Variants in CTSV observed in about 807,000 individuals in gnomAD.
The protein encoded by CTSV is cathepsin L2.
CTSV carries 33 observed loss-of-function variants against 35.6 expected under a neutral mutation model. The ratio of observed to expected loss-of-function variants is 0.93; its 90% CI spans 0.70 to 1.24. The LOEUF (loss-of-function observed/expected upper bound fraction) is 1.24. CTSV is among the 50% of genes most tolerant of loss of function. The pLI, the probability that CTSV is intolerant of heterozygous loss-of-function variation, is 0.00. For missense variants in CTSV, 408 were observed against 413.1 expected (o/e 0.99, Z 0.11); for synonymous variants, 154 against 147.1 (o/e 1.05, Z -0.34).
intron 2 of CTSV, 93 bp downstream of exon 2, chr9:97,037,825 C>G: frequency 6.6e-7 from 1 of 1,521,782 alleles, no homozygotes; most frequent in Non-Finnish European, 9.0e-7. Flanking sequence ...CTGGTAAGGT[C>G]TGGTGTCTAG....
At position 97,037,487 on chromosome 9, in the gene CTSV, A is replaced by C. The variant is rs1320732604; in HGVS notation, c.249+6T>G. On this transcript the variant is annotated splice_donor_region_variant and intron_variant, in intron 3 of 7. Transcript: ENST00000259470. ...CACAGAGTTCAGCAATCCTTGCCAC[A>C]CTCACCATGTCACCAAAAGCATTCA... 1.9e-6 allele frequency: 3 copies of C among 1,614,002 alleles called. No homozygotes were observed. The highest frequency in any genetic ancestry group is 2.5e-6 in the Non-Finnish European group (3 of 1,180,014).
chr9:97,035,650 T>G lies in CTSV; in HGVS notation c.665A>C (p.Asp222Ala). The change falls in exon 6 of 8, where the codon GAC becomes GCC. Residue 222 changes from aspartate to alanine, a missense_variant. Asp to Ala is a moderately radical substitution (Grantham distance 126, BLOSUM62 -2). Transcript: ENST00000259470. Reference sequence around the variant, plus strand: ...AGGTGCGACCACTGTGAAGCCAGTGTCATTAGCAACAGAATTCTCAGGTCT... The same window carrying G: ...AGGTGCGACCACTGTGAAGCCAGTGGCATTAGCAACAGAATTCTCAGGTCT... ...KYRPENSVAN[D>A]TGFTVVAPGK... is the part of the protein sequence containing the mutation. 2 of 1,594,580 alleles carry G rather than the reference T, an allele frequency of 1.3e-6. No individual in the cohort carries two copies. The highest frequency in any genetic ancestry group is 1.7e-6 in the Non-Finnish European group (2 of 1,169,644).
At position 97,031,686 on chromosome 9, in the gene CTSV, A is replaced by G. The variant is rs1381206058; in HGVS notation, c.*1263T>C. On this transcript the variant is annotated 3_prime_UTR_variant, in exon 8 of 8. Transcript: ENST00000259470. ...TTTATTTTTAATTCAGGGATTAGGT[A>G]GCCAGAGTCTGGCCTAGTGACTTCT... 6.6e-6 allele frequency: 1 copy of G among 152,200 alleles called. No individual in the cohort carries two copies. The highest frequency in any genetic ancestry group is 1.5e-5 in the Non-Finnish European group (1 of 68,042). The allele number at this position is 152,200 out of a possible 1,614,324, so 9.4% of individuals were successfully genotyped here.
At position 97,037,562 on chromosome 9, in the gene CTSV, T is replaced by C; in HGVS notation, c.180A>G (p.Glu60=). The change falls in exon 3 of 8, where the codon GAA becomes GAG. Residue 60 remains glutamate (E), a synonymous_variant. Coordinates refer to ENST00000259470, the MANE Select transcript of CTSV (RefSeq NM_001333.4). Reference sequence around the variant, plus strand: ...CTTGGCTGTATTCCCCATTGTGCAGTTCAATCATTTTCATATTCTTTTCCC... The same window carrying C: ...CTTGGCTGTATTCCCCATTGTGCAGCTCAATCATTTTCATATTCTTTTCCC... ...AVWEKNMKMI[E]LHNGEYSQGK... is the part of the protein sequence containing the mutation. The C allele has an allele frequency of 6.2e-7, 1 of 1,614,130 alleles. No individual in the cohort carries two copies. The highest frequency in any genetic ancestry group is 8.5e-7 in the Non-Finnish European group (1 of 1,180,024).
rs1587731311 is a variant in CTSV, at chr9:97,030,030, G to C, written c.*2919C>G. ...TGTCAGTGTACTCTATGATGTTCAC[G>C]TCACGATGAAATCACCCAAGACACA... is the stretch of plus-strand genomic sequence containing the variant. On this transcript the variant is annotated 3_prime_UTR_variant, in exon 8 of 8. Transcript: ENST00000259470. 1 of 152,172 alleles carries C rather than the reference G, an allele frequency of 6.6e-6. No homozygotes were observed. The highest frequency in any genetic ancestry group is 1.5e-5 in the Non-Finnish European group (1 of 68,026). 9.4% of individuals were successfully genotyped at this position (152,172 alleles called of 1,614,324 possible). A position where few individuals can be genotyped will look rare whatever the true frequency, so the allele number is the denominator to read the frequency against.
chr9:97,032,562 C>T lies in CTSV; in HGVS notation c.*387G>A, dbSNP rs111874198. 4,684 of 159,256 alleles carry T rather than the reference C, an allele frequency of 0.029. 245 individuals are homozygous for T. Among genetic ancestry groups the T allele is most frequent in the African/African-American group, 0.11 (4,454 of 41,792 alleles). 9.9% of individuals were successfully genotyped at this position (159,256 alleles called of 1,614,324 possible). ...CCAGCTTTCTGCTAGCATCTTTCTC[C>T]TAACATACCATTGGCACATGAAGTT... On this transcript the variant is annotated 3_prime_UTR_variant, in exon 8 of 8. Coordinates refer to ENST00000259470, the MANE Select transcript of CTSV (RefSeq NM_001333.4).
chr9:97,036,081 T>C (rs1416121251), intron 5 of CTSV, among the ~76,000 whole-genome samples: 1 of 151,946 alleles, frequency 6.6e-6, no homozygotes, highest in Non-Finnish European at 1.5e-5. Context: ...TAATTTTTTT[T>C]TTTTTTTGAG....
Position 97,037,261 on chromosome 9 carries a change from C to T in CTSV, c.387G>A (p.Val129=). ...TCTGACGCTGTCTCACCTGATTCTT[C>T]ACTGGCGTCACGTAGCCTTTCTTTC... ...DWRKKGYVTP[V]KNQKQCGSCW... is the part of the protein sequence containing the mutation. Residue 129 remains valine, a synonymous_variant, in exon 4 of 8, where the codon GTG becomes GTA. Transcript: ENST00000259470. 6.2e-7 allele frequency: 1 copy of T among 1,613,686 alleles called. No individual in the cohort carries two copies. Among genetic ancestry groups the T allele is most frequent in the Non-Finnish European group, 8.5e-7 (1 of 1,179,796 alleles).
At chr9:97,038,129 A>G (rs1424708247) in intron 1 of CTSV, 76 bp from the exon 2 acceptor site, 1 of 1,423,966 alleles carries the variant, frequency 7.0e-7, no homozygotes, top group Non-Finnish European at 9.6e-7. Context: ...TGGAATAGAA[A>G]TATTTCAATT....
chr9:97,035,398 C>G, intron 6 of CTSV, 130 bp downstream of exon 6: 1 of 645,040 alleles, frequency 1.6e-6, no homozygotes, highest in Non-Finnish European at 2.3e-6. Context: ...ATGTCAAATG[C>G]AAACATCACT....
chr9:97,035,774 G>T, intron 5 of CTSV, 81 bp from the exon 6 acceptor site: 2 of 937,326 alleles, frequency 2.1e-6, no homozygotes, highest in Non-Finnish European at 1.4e-6. Flanking sequence ...GAAACACTCA[G>T]CAATTTGCAA....
At position 97,031,159 on chromosome 9, in the gene CTSV, C is replaced by T. The variant is rs1828738860; in HGVS notation, c.*1790G>A. ...TTAGTGCCTAGATGTTTCCTTAGAG[C>T]CTGGGTTGTTGTTCCAAGAATCTGT... On this transcript the variant is annotated 3_prime_UTR_variant, in exon 8 of 8. Transcript: ENST00000259470. The T allele has an allele frequency of 6.6e-6, 1 of 152,098 alleles. No individual in the cohort carries two copies. The highest frequency in any genetic ancestry group is 1.5e-5 in the Non-Finnish European group (1 of 68,032). The allele number at this position is 152,098 out of a possible 1,614,324, so 9.4% of individuals were successfully genotyped here.
chr9:97,038,852 C>T (rs1250080649), intron 1 of CTSV, among the ~76,000 whole-genome samples: 1 of 152,182 alleles, frequency 6.6e-6, no homozygotes. Context: ...CTTCAGCCCA[C>T]AGGATGACTG....
intron 7 of CTSV, among the ~76,000 whole-genome samples, chr9:97,034,194 G>T (rs1044757835): frequency 2.0e-5 from 3 of 152,256 alleles, no homozygotes; most frequent in Non-Finnish European, 4.4e-5. Flanking sequence ...CACTGTAGCA[G>T]TCTGTCCCCA....
chr9:97,034,672 T>C (rs761934241), intron 7 of CTSV, 54 bp downstream of exon 7: 63 of 1,320,558 alleles, frequency 4.8e-5, no homozygotes, highest in Non-Finnish European at 6.5e-5. Context: ...TGTGAACTTG[T>C]ATCCAAATAC....
rs535271086 is a variant in CTSV, at chr9:97,037,992, C to T, written c.52G>A (p.Val18Ile). The T allele has an allele frequency of 6.2e-7, 1 of 1,613,964 alleles. No homozygotes were observed. Among genetic ancestry groups the T allele is most frequent in the Non-Finnish European group, 8.5e-7 (1 of 1,180,012 alleles). ...AAFCLGIASA[V>I]PKFDQNLDTK... ...TCCAAATTTTGGTCAAATTTTGGAACAGCGGAGGCTATTCCCAAGCAAAAG... is the reference window on the plus strand; with the variant it reads ...TCCAAATTTTGGTCAAATTTTGGAATAGCGGAGGCTATTCCCAAGCAAAAG... Residue 18 changes from valine to isoleucine, a missense_variant, in exon 2 of 8, where the codon GTT becomes ATT. Transcript: ENST00000259470.
chr9:97,038,899 C>T (rs1429259465), intron 1 of CTSV, among the ~76,000 whole-genome samples, 172 bp downstream of exon 1: 2 of 152,124 alleles, frequency 1.3e-5, no homozygotes, highest in Non-Finnish European at 2.9e-5. Context: ...GGTGCCGGCG[C>T]CTCCCTGGGG....
Position 97,029,912 on chromosome 9 carries a change from AGCACAGTGAT to A in CTSV, c.*3027_*3036del. 1 of 152,358 alleles carries A rather than the reference AGCACAGTGAT, an allele frequency of 6.6e-6. No individual in the cohort carries two copies. The highest frequency in any genetic ancestry group is 6.5e-5 in the Admixed American group (1 of 15,304). 9.4% of individuals were successfully genotyped at this position (152,358 alleles called of 1,614,324 possible). ...TGTGTTACAACTGTGTACAGTACTC[AGCACAGTGAT>A]GTGTTGCACAGGTGCGTAGCTTAGG... On this transcript the variant is annotated 3_prime_UTR_variant, in exon 8 of 8. Coordinates refer to ENST00000259470, the MANE Select transcript of CTSV (RefSeq NM_001333.4).
In CTSV at chr9:97,036,767, A is replaced by T. The variant is rs751127735; in HGVS notation, c.397-20T>A. On this transcript the variant is annotated intron_variant, in intron 4 of 7. Coordinates refer to ENST00000259470, the MANE Select transcript of CTSV (RefSeq NM_001333.4). ...CTGTTTCTAAAAAGGGAGAAAAAAA[A>T]AGCTGTAAATTTACAAGACCAATAC... 6.4e-7 allele frequency: 1 copy of T among 1,567,040 alleles called. No homozygotes were observed. Among genetic ancestry groups the T allele is most frequent in the South Asian group, 1.2e-5 (1 of 83,656 alleles).
Sources: allele counts gnomAD v4.1 joint callset (sites outside exome capture counted in the v4.1 genomes callset), GRCh38; gene constraint gnomAD v4.1.1; transcripts MANE v1.5; gene names NCBI Gene and HGNC (gene_info 2026-07-23, HGNC 2026-07-21).